MYO3B: variants seen among roughly 807,000 people sequenced by gnomAD.
The protein encoded by MYO3B is myosin IIIB.
A neutral mutation model predicts 174.6 loss-of-function variants in MYO3B; 156 were observed. The ratio of observed to expected loss-of-function variants is 0.89; its 90% CI spans 0.78 to 1.02. The LOEUF (loss-of-function observed/expected upper bound fraction) is 1.02, where lower values mean the gene tolerates loss of function less well. Ranked by LOEUF, MYO3B falls within the 50% of genes least tolerant of loss-of-function variation. The pLI is 0.00. For missense variants in MYO3B, 1,632 were observed against 1,639.4 expected (o/e 1.00, Z 0.08); for synonymous variants, 563 against 569.1 (o/e 0.99, Z 0.15).
chr2:170,569,977 CTT>C (rs1012579360), intron 32 of MYO3B, among the ~76,000 whole-genome samples: 1 of 151,854 alleles, frequency 6.6e-6, no homozygotes, highest in East Asian at 1.9e-4. Context: ...GGACCTGGCT[CTT>C]TTAAAAAGCT....
intron 7 of MYO3B, among the ~76,000 whole-genome samples, chr2:170,291,460 C>T (rs766244777): frequency 5.9e-5 from 9 of 152,132 alleles, no homozygotes; most frequent in Non-Finnish European, 1.3e-4. Context: ...GGATTGCACA[C>T]CAAAATTTAC....
chr2:170,189,966 T>C (rs1461012583), intron 1 of MYO3B, among the ~76,000 whole-genome samples: 1 of 152,178 alleles, frequency 6.6e-6, no homozygotes, highest in Non-Finnish European at 1.5e-5. Flanking sequence ...TGTTTGTACT[T>C]GTCTTTTTAG....
At chr2:170,269,477 G>A (rs1192587402) in intron 7 of MYO3B, among the ~76,000 whole-genome samples, 4 of 152,126 alleles carry the variant, frequency 2.6e-5, no homozygotes, top group African/African-American at 9.7e-5. Context: ...ATAAGTGTTG[G>A]TAAGAATGTG....
chr2:170,650,106 T>C (rs1236509476), intron 32 of MYO3B: 3 of 141,752 alleles, frequency 2.1e-5, no homozygotes, highest in African/African-American at 7.9e-5. Context: ...AATCTTGGCT[T>C]ACTGCAACCT....
chr2:170,377,223 T>TA (rs1175869207), intron 9 of MYO3B, among the ~76,000 whole-genome samples: 1 of 152,220 alleles, frequency 6.6e-6, no homozygotes, highest in Admixed American at 6.5e-5. Context: ...ATAATGCAGA[T>TA]ACAGAGATTA....
intron 22 of MYO3B, among the ~76,000 whole-genome samples, chr2:170,427,371 G>A (rs1384615187): frequency 5.3e-5 from 8 of 152,154 alleles, no homozygotes; most frequent in Non-Finnish European, 8.8e-5. Flanking sequence ...CAGCATTACA[G>A]TTCCATAAAG....
In MYO3B at chr2:170,519,462, G is replaced by A. The variant is rs772723250; in HGVS notation, c.3497G>A (p.Arg1166Lys). 6.8e-6 allele frequency: 11 copies of A among 1,613,590 alleles called. No individual in the cohort carries two copies. The highest frequency in any genetic ancestry group is 9.3e-6 in the Non-Finnish European group (11 of 1,179,870). The change falls in exon 30 of 35, where the codon AGG becomes AAG. Residue 1166 changes from arginine to lysine, a missense_variant. Coordinates refer to ENST00000408978, the MANE Select transcript of MYO3B (RefSeq NM_138995.5). ...GTTCTCAGGGGCTCTGTACATCGTA[G>A]GAGCCATTCACAAGCAGAATCCAAC... Reference protein sequence around the residue: ...HKVLRGSVHRRSHSQAESNNG... With the variant: ...HKVLRGSVHRKSHSQAESNNG...
chr2:170,650,551 G>GGTGT (rs1033509722), intron 32 of MYO3B, among the ~76,000 whole-genome samples: 1 of 151,878 alleles, frequency 6.6e-6, no homozygotes, highest in African/African-American at 2.4e-5. Flanking sequence ...CTATGACAGA[G>GGTGT]GTGTGTGTGT....
chr2:170,447,568 CT>C (rs1305703077), intron 23 of MYO3B, among the ~76,000 whole-genome samples: 1 of 152,128 alleles, frequency 6.6e-6, no homozygotes, highest in Non-Finnish European at 1.5e-5. Context: ...TGAGGCAAAT[CT>C]TTTTACTGAT....
intron 23 of MYO3B, among the ~76,000 whole-genome samples, chr2:170,458,807 G>A (rs2105945372): frequency 6.6e-6 from 1 of 152,304 alleles, no homozygotes; most frequent in Non-Finnish European, 1.5e-5. Context: ...AAGTTCAGGA[G>A]AACCTTATGA....
chr2:170,283,975 T>C (rs1549347), intron 7 of MYO3B, among the ~76,000 whole-genome samples: 2 of 152,102 alleles, frequency 1.3e-5, no homozygotes, highest in Admixed American at 6.6e-5. Flanking sequence ...AGAATCCCTT[T>C]GTCCCATAGC....
intron 7 of MYO3B, among the ~76,000 whole-genome samples, chr2:170,238,829 G>T (rs1306829719): frequency 1.3e-5 from 2 of 152,222 alleles, no homozygotes; most frequent in Non-Finnish European, 1.5e-5. Context: ...TGGTTGATTT[G>T]CCTGTACATG....
At chr2:170,266,939 A>G (rs2093388117) in intron 7 of MYO3B, among the ~76,000 whole-genome samples, 1 of 152,268 alleles carries the variant, frequency 6.6e-6, no homozygotes, top group Admixed American at 6.5e-5. Flanking sequence ...AAAAAAGTTT[A>G]CAGGTAATTA....
chr2:170,604,079 A>G (rs1694674742), intron 32 of MYO3B, among the ~76,000 whole-genome samples: 1 of 152,318 alleles, frequency 6.6e-6, no homozygotes, highest in South Asian at 2.1e-4. Context: ...TATACCATCT[A>G]TGTTTGTGTA....
At chr2:170,572,974 T>G (rs1257616354) in intron 32 of MYO3B, among the ~76,000 whole-genome samples, 1 of 152,058 alleles carries the variant, frequency 6.6e-6, no homozygotes, top group Non-Finnish European at 1.5e-5. Context: ...ATGCTTAGTA[T>G]TTTGGCTTTG....
At chr2:170,642,056 C>T (rs1451503923) in intron 32 of MYO3B, among the ~76,000 whole-genome samples, 1 of 152,118 alleles carries the variant, frequency 6.6e-6, no homozygotes, top group East Asian at 1.9e-4. Context: ...CCAGAGGTAT[C>T]CCAGGATACG....
At chr2:170,261,074 A>T (rs1333034679) in intron 7 of MYO3B, among the ~76,000 whole-genome samples, 1 of 151,952 alleles carries the variant, frequency 6.6e-6, no homozygotes, top group East Asian at 1.9e-4. Context: ...CCCAGGCTGG[A>T]GTGCAATGAC....
chr2:170,610,406 A>G (rs556765726), intron 32 of MYO3B, among the ~76,000 whole-genome samples: 4 of 152,332 alleles, frequency 2.6e-5, no homozygotes, highest in Middle Eastern at 3.4e-3. Flanking sequence ...GCTGATTTAC[A>G]GAAGAGGCCA....
At chr2:170,447,692 G>C (rs183086978) in intron 23 of MYO3B, among the ~76,000 whole-genome samples, 107 of 152,318 alleles carry the variant, frequency 7.0e-4, no homozygotes, top group Middle Eastern at 3.4e-3. Context: ...ATCAAGATGG[G>C]AATTGCAATA....
Sources: allele counts gnomAD v4.1 joint callset (sites outside exome capture counted in the v4.1 genomes callset), GRCh38; gene constraint gnomAD v4.1.1; transcripts MANE v1.5; gene names NCBI Gene and HGNC (gene_info 2026-07-23, HGNC 2026-07-21).